The following KNDC1 variants were observed in gnomAD, a reference collection of about 807,000 sequenced individuals.
The protein encoded by KNDC1 is kinase non-catalytic C-lobe domain containing 1, also known as kinase non-catalytic C-lobe domain-containing protein 1.
Under a neutral mutation model 172.8 loss-of-function variants are expected in KNDC1, and 106 were observed. That is an observed-to-expected ratio of 0.61 (90% CI 0.52 to 0.72). The LOEUF (loss-of-function observed/expected upper bound fraction) is 0.72. Ranked by LOEUF, KNDC1 falls within the 30% of genes least tolerant of loss-of-function variation. KNDC1 has a pLI of 0.00. For synonymous variants in KNDC1, 1,083 were observed against 1,062.2 expected (o/e 1.02, Z -0.38); for missense variants, 2,325 against 2,394.5 (o/e 0.97, Z 0.61).
intron 10 of KNDC1, 118 bp downstream of exon 10, chr10:133,195,939 C>A: frequency 1.9e-6 from 2 of 1,052,742 alleles, no homozygotes; most frequent in South Asian, 3.5e-5. Context: ...ATGAGGCCAC[C>A]AGGTCTGTTT....
chr10:133,208,570 G>A (rs192545013), intron 20 of KNDC1, among the ~76,000 whole-genome samples: 3 of 102,614 alleles, frequency 2.9e-5, no homozygotes, highest in African/African-American at 7.2e-5. Context: ...ACCCTCTAGA[G>A]AGGGACGTGG....
In KNDC1 at chr10:133,183,915, C is replaced by A; in HGVS notation, c.551C>A (p.Ser184Tyr). The A allele has an allele frequency of 6.2e-7, 1 of 1,604,344 alleles. No individual in the cohort carries two copies. The highest frequency in any genetic ancestry group is 8.5e-7 in the Non-Finnish European group (1 of 1,172,640). Residue 184 changes from serine (S) to tyrosine (Y), a missense_variant, in exon 5 of 30, where the codon TCC (serine) becomes TAC (tyrosine). Ser to Tyr is a moderately radical substitution (Grantham distance 144, BLOSUM62 -2). Transcript: ENST00000304613. ...LCEEKLQLTS[S>Y]CRVCRSLSAV... is the part of the protein sequence containing the mutation. ...GAAGAGAAGCTGCAGCTCACATCCT[C>A]CTGTCGCGTGTGCCGGAGCCTCTCT...
At chr10:133,176,496 G>A (rs746572831) in intron 3 of KNDC1, among the ~76,000 whole-genome samples, 10 of 152,156 alleles carry the variant, frequency 6.6e-5, no homozygotes, top group Non-Finnish European at 1.2e-4. Context: ...TGTGTGCAGT[G>A]CCTGGTAGGC....
chr10:133,167,405 C>T lies in KNDC1; in HGVS notation c.127C>T (p.Leu43Phe). The change falls in exon 2 of 30, where the codon CTC becomes TTC. Residue 43 changes from leucine (L) to phenylalanine (F), a missense_variant. Leu to Phe is a conservative substitution (Grantham distance 22). Coordinates refer to ENST00000304613, the MANE Select transcript of KNDC1 (RefSeq NM_152643.8). ...DEENVSLADI[L>F]SLRDRGLSEQ... Reference sequence around the variant, plus strand: ...GGAGAACGTGTCTCTGGCTGACATCCTCTCCCTGCGGGACCGCGGCCTCAG... The same window carrying T: ...GGAGAACGTGTCTCTGGCTGACATCTTCTCCCTGCGGGACCGCGGCCTCAG... 2 of 1,596,192 alleles carry T rather than the reference C, an allele frequency of 1.3e-6. No individual in the cohort carries two copies. Among genetic ancestry groups the T allele is most frequent in the Non-Finnish European group, 1.7e-6 (2 of 1,173,138 alleles).
rs9971353 is a variant in KNDC1 at position 133,202,947 on chromosome 10, C to T, written c.3387+1049C>T. Among the ~76,000 whole-genome samples the T allele has an allele frequency of 8.4e-3, 1,287 of 152,316 alleles. 18 individuals carry two copies. The highest frequency in any genetic ancestry group is 0.03 in the African/African-American group (1,228 of 41,568). ...CCGGCACAGCAAACACCAAACGACC[C>T]GGCCCCCAAACGCAGGGAGTCCAGC... On this transcript the variant is annotated intron_variant, in intron 17 of 29. Transcript: ENST00000304613.
In KNDC1 at chr10:133,221,443, G is replaced by A. The variant is rs529249096; in HGVS notation, c.5018+1331G>A. On this transcript the variant is annotated intron_variant, in intron 29 of 29. Transcript: ENST00000304613. ...AGCCTCTCCTTGGAGCCCCAGGCCT[G>A]TGTCCGATGACCCTCAGGTGCCCAC... Among the ~76,000 whole-genome samples the A allele has an allele frequency of 9.2e-5, 14 of 152,224 alleles. No individual in the cohort carries two copies. In the East Asian group the frequency reaches 2.5e-3, roughly 27 times the overall value.
intron 17 of KNDC1, among the ~76,000 whole-genome samples, chr10:133,205,065 C>T (rs938226826): frequency 1.4e-5 from 1 of 73,360 alleles, no homozygotes; most frequent in Non-Finnish European, 3.0e-5. Flanking sequence ...CCAAGCCCCA[C>T]GGGTGCAGGA....
intron 3 of KNDC1, among the ~76,000 whole-genome samples, 199 bp from the exon 4 acceptor site, chr10:133,183,145 C>T (rs1239361521): frequency 7.0e-6 from 1 of 143,410 alleles, no homozygotes; most frequent in Non-Finnish European, 1.5e-5. Context: ...GTGTGAGCAG[C>T]GTGGGCGCGG....
chr10:133,196,178 G>A (rs1456704888), intron 10 of KNDC1, among the ~76,000 whole-genome samples: 1 of 152,170 alleles, frequency 6.6e-6, no homozygotes, highest in Non-Finnish European at 1.5e-5. Context: ...CCTGCTGGAG[G>A]GGAGCAGAGA....
Position 133,201,714 on chromosome 10 carries a change from G to A in KNDC1, c.3203G>A (p.Arg1068Gln), listed in dbSNP as rs745841636. 123 of 1,609,366 alleles carry A rather than the reference G, an allele frequency of 7.6e-5. No homozygotes were observed. The highest frequency in any genetic ancestry group is 1.1e-4 in the East Asian group (5 of 44,874). Reference protein sequence around the residue: ...GGASDVEAVTRLARSKGVGPA... With the variant: ...GGASDVEAVTQLARSKGVGPA... ...GCCTCAGACGTGGAGGCAGTGACCC[G>A]ACTGGCCAGGTCCAAAGGGGTCGGC... The change falls in exon 17 of 30, where the codon CGA becomes CAA. Residue 1068 changes from arginine to glutamine, a missense_variant. Transcript: ENST00000304613.
At chr10:133,188,423 C>T (rs868180334) in intron 6 of KNDC1, 116 bp from the exon 7 acceptor site, 43 of 641,654 alleles carry the variant, frequency 6.7e-5, no homozygotes, top group Middle Eastern at 4.2e-4. Context: ...GTGTGGGGGG[C>T]GCCTACTCAG....
rs994476081 is a variant in KNDC1 at position 133,212,005 on chromosome 10, G to A, written c.4236+147G>A. The A allele has an allele frequency of 5.4e-6, 4 of 740,080 alleles. No homozygotes were observed. The East Asian group carries it at 8.3e-5, about 15-fold the overall frequency. The allele number at this position is 740,080 out of a possible 1,614,324, so 45.8% of individuals were successfully genotyped here. A position where few individuals can be genotyped will look rare whatever the true frequency, so the allele number is the denominator to read the frequency against. ...TATACATGCATACACATAGACGTGT[G>A]CACATACACTTGTGTGCACATACAT... is the stretch of plus-strand genomic sequence containing the variant. On this transcript the variant is annotated intron_variant, in intron 23 of 29. Transcript: ENST00000304613.
Position 133,210,620 on chromosome 10 carries a change from C to T in KNDC1, c.3804C>T (p.Phe1268=), listed in dbSNP as rs770361859. The T allele has an allele frequency of 4.4e-5, 71 of 1,595,664 alleles. No individual in the cohort carries two copies. Among genetic ancestry groups the T allele is most frequent in the Non-Finnish European group, 5.8e-5 (67 of 1,164,462 alleles). ...CCGCCCCGCCCCACAGTGATGCCTTCCTGGAGGGTTATGTGCAGCAATTCC... is the reference window on the plus strand; with the variant it reads ...CCGCCCCGCCCCACAGTGATGCCTTTCTGGAGGGTTATGTGCAGCAATTCC... ...LMAYLYSSDA[F]LEGYVQQFLY... is the part of the protein sequence containing the mutation. The change falls in exon 21 of 30, where the codon TTC becomes TTT. Residue 1268 remains phenylalanine, a synonymous_variant. Coordinates refer to ENST00000304613, the MANE Select transcript of KNDC1 (RefSeq NM_152643.8).
chr10:133,211,521 T>C lies in KNDC1; in HGVS notation c.4008T>C (p.Pro1336=), dbSNP rs753588230. 6.2e-7 allele frequency: 1 copy of C among 1,613,932 alleles called. No homozygotes were observed. The highest frequency in any genetic ancestry group is 1.1e-5 in the South Asian group (1 of 91,076). The change falls in exon 22 of 30, where the codon CCT becomes CCC. Residue 1336 remains proline, a synonymous_variant. Coordinates refer to ENST00000304613, the MANE Select transcript of KNDC1 (RefSeq NM_152643.8). ...AGGACTGCTACGCTGTGGACTTCCC[T>C]CGGAACAGCGGGCTGCTGGGGAAGC... ...WVEDCYAVDF[P]RNSGLLGKLE... is the part of the protein sequence containing the mutation.
In KNDC1 at chr10:133,224,779, C is replaced by G. The variant is rs751446984; in HGVS notation, c.5139C>G (p.Asp1713Glu). ...KQRIARFSGADISTLAADSRA... is the reference protein window; with the variant it reads ...KQRIARFSGAEISTLAADSRA... ...GGATTGCCCGCTTCAGCGGTGCCGA[C>G]ATTTCCACACTCGCCGCAGATAGCA... The change falls in exon 30 of 30, where the codon GAC becomes GAG. Residue 1713 changes from aspartate (D) to glutamate (E), a missense_variant. Physicochemically the swap from Asp to Glu is conservative, Grantham distance 45. Coordinates refer to ENST00000304613, the MANE Select transcript of KNDC1 (RefSeq NM_152643.8). The surrounding 1 kb of genome is among the most constrained non-coding windows in gnomAD (Gnocchi z 5.4). 32 of 1,613,998 alleles carry G rather than the reference C, an allele frequency of 2.0e-5. No individual in the cohort carries two copies. The highest frequency in any genetic ancestry group is 2.5e-5 in the Non-Finnish European group (30 of 1,180,030).
chr10:133,178,764 G>C (rs1159743334), intron 3 of KNDC1: 1 of 152,258 alleles, frequency 6.6e-6, no homozygotes, highest in East Asian at 1.9e-4. Context: ...GCCCAGGACA[G>C]TCAGGGGTGC....
chr10:133,219,262 T>G (rs1322352795), intron 28 of KNDC1, among the ~76,000 whole-genome samples, 172 bp downstream of exon 28: 1 of 152,234 alleles, frequency 6.6e-6, no homozygotes, highest in Non-Finnish European at 1.5e-5. Flanking sequence ...AGGGCCTCTG[T>G]TGCCACCTGG....
rs1157781357 is a variant in KNDC1 at position 133,224,885 on chromosome 10, C to T, written c.5245C>T (p.Gln1749Ter). The change falls in exon 30 of 30, where the codon CAG becomes TAG. Residue 1749 changes from glutamine to a stop codon, truncating the protein, a stop_gained. Transcript: ENST00000304613. LOFTEE classifies it high-confidence loss of function. This position sits in a 1 kb window ranked among gnomAD's most constrained non-coding sequence, Gnocchi z 5.4. ...DKLRRMKATF[Q>*] is the part of the protein sequence containing the mutation. ...GCTACGGAGGATGAAGGCTACATTC[C>T]AGTAGCCGAGCTCGGGCCTGGTGTG... 6.2e-7 allele frequency: 1 copy of T among 1,609,778 alleles called. No homozygotes were observed. Among genetic ancestry groups the T allele is most frequent in the Non-Finnish European group, 8.5e-7 (1 of 1,176,584 alleles).
chr10:133,183,930 G>A lies in KNDC1; in HGVS notation c.566G>A (p.Arg189Gln), dbSNP rs144320928. ...LQLTSSCRVC[R>Q]SLSAVGRRVL... is the part of the protein sequence containing the mutation. ...CTCACATCCTCCTGTCGCGTGTGCC[G>A]GAGCCTCTCTGCTGTGGGGAGGAGG... Residue 189 changes from arginine to glutamine, a missense_variant, in exon 5 of 30, where the codon CGG (arginine) becomes CAG (glutamine). Transcript: ENST00000304613. The A allele has an allele frequency of 1.1e-4, 181 of 1,603,704 alleles. No homozygotes were observed. The Admixed American group carries it at 2.0e-3, about 18-fold the overall frequency.
Sources: allele counts gnomAD v4.1 joint callset (sites outside exome capture counted in the v4.1 genomes callset), GRCh38; gene constraint gnomAD v4.1.1; non-coding constraint Gnocchi (gnomAD v3.1); transcripts MANE v1.5; gene names NCBI Gene and HGNC (gene_info 2026-07-23, HGNC 2026-07-21).